CPNE4: variants seen among roughly 807,000 people sequenced by gnomAD.
CPNE4 encodes the protein copine 4.
CPNE4 carries 25 observed loss-of-function variants against 67.9 expected under a neutral mutation model. That is an observed-to-expected ratio of 0.37 (90% CI 0.27 to 0.51). CPNE4 has a LOEUF of 0.51. Among genes scored for constraint, CPNE4 ranks in the 20% least tolerant of loss-of-function variants. The pLI, the probability that CPNE4 is intolerant of heterozygous loss-of-function variation, is 0.93. For missense variants in CPNE4, 464 were observed against 690.8 expected (o/e 0.67, Z 3.68); for synonymous variants, 242 against 244.9 (o/e 0.99, Z 0.11).
At chr3:132,006,248 T>C (rs1434802366) in intron 1 of CPNE4, among the ~76,000 whole-genome samples, 2 of 152,086 alleles carry the variant, frequency 1.3e-5, no homozygotes, top group African/African-American at 4.8e-5. Context: ...AATCCAGAGA[T>C]GAAGAACCTG....
chr3:131,612,245 G>C (rs527968233), intron 7 of CPNE4, among the ~76,000 whole-genome samples: 2 of 152,148 alleles, frequency 1.3e-5, no homozygotes, highest in African/African-American at 4.8e-5. Context: ...GTGGTGGCGG[G>C]CACCTGTAAT....
intron 1 of CPNE4, among the ~76,000 whole-genome samples, chr3:131,916,250 T>G (rs183988138): frequency 1.3e-4 from 20 of 152,234 alleles, no homozygotes; most frequent in Admixed American, 2.6e-4. Flanking sequence ...TTCAGTTATT[T>G]TACCTTCTTA....
At chr3:131,924,254 C>T (rs1246826582) in intron 1 of CPNE4, among the ~76,000 whole-genome samples, 3 of 152,126 alleles carry the variant, frequency 2.0e-5, no homozygotes, top group Non-Finnish European at 4.4e-5. Context: ...ATCTTCATCC[C>T]CCATCCCAAC....
At chr3:131,879,298 C>G (rs2087577052) in intron 2 of CPNE4, among the ~76,000 whole-genome samples, 1 of 152,208 alleles carries the variant, frequency 6.6e-6, no homozygotes, top group Non-Finnish European at 1.5e-5. Context: ...AGGCTGAAAT[C>G]ATGCAACTAA....
chr3:131,753,403 G>T (rs1183906075), intron 2 of CPNE4, among the ~76,000 whole-genome samples: 2 of 152,060 alleles, frequency 1.3e-5, no homozygotes, highest in African/African-American at 4.8e-5. Context: ...AAACATAGAA[G>T]TTTTTAAAAG....
chr3:132,020,027 A>G (rs1461780524), intron 1 of CPNE4, among the ~76,000 whole-genome samples: 1 of 152,212 alleles, frequency 6.6e-6, no homozygotes, highest in African/African-American at 2.4e-5. Context: ...ACTTAAAGGT[A>G]CAAGAGTCAG....
At chr3:131,662,206 G>A (rs1349679448) in intron 7 of CPNE4, among the ~76,000 whole-genome samples, 1 of 152,132 alleles carries the variant, frequency 6.6e-6, no homozygotes, top group Non-Finnish European at 1.5e-5. Flanking sequence ...GGGAAGTTCC[G>A]AGGCAAACTC....
At chr3:131,752,196 C>G in intron 2 of CPNE4, among the ~76,000 whole-genome samples, 1 of 152,126 alleles carries the variant, frequency 6.6e-6, no homozygotes, top group Non-Finnish European at 1.5e-5. Flanking sequence ...TTTTCTGACA[C>G]CATCCTGGCT....
In CPNE4 at chr3:131,717,927, TTTC is replaced by T. The variant is rs751933700; in HGVS notation, c.360+5516_360+5518del. 3.6e-3 allele frequency among the ~76,000 whole-genome samples: 513 copies of T among 143,342 alleles called. 2 individuals are homozygous for T. Among genetic ancestry groups the T allele is most frequent in the Non-Finnish European group, 4.4e-3 (289 of 64,986 alleles). The allele number at this position is 143,342 out of a possible 152,430, so 94.0% of individuals were successfully genotyped here. A position where few individuals can be genotyped will look rare whatever the true frequency, so the allele number is the denominator to read the frequency against. ...CTTTCTTTCTTTCTTTCTTTCTTTC[TTTC>T]TTTCTTTCTTTCTTTTCTTTCTTTC... On this transcript the variant is annotated intron_variant, in intron 3 of 15. Transcript: ENST00000429747.
At chr3:131,722,275 A>G (rs1420001863) in intron 3 of CPNE4, among the ~76,000 whole-genome samples, 1 of 152,212 alleles carries the variant, frequency 6.6e-6, no homozygotes, top group Admixed American at 6.5e-5. Flanking sequence ...GTCTTAAGAC[A>G]TATAATTTGG....
At chr3:132,020,877 C>A (rs774357035) in intron 1 of CPNE4, among the ~76,000 whole-genome samples, 6 of 152,212 alleles carry the variant, frequency 3.9e-5, no homozygotes, top group Admixed American at 6.5e-5. Context: ...TGAACACAAA[C>A]AATAAACAGT....
At chr3:131,972,699 G>A (rs1442282324) in intron 1 of CPNE4, among the ~76,000 whole-genome samples, 6 of 152,082 alleles carry the variant, frequency 3.9e-5, no homozygotes, top group African/African-American at 9.7e-5. Context: ...TATTTTTAAG[G>A]TAGCTCTGAA....
intron 7 of CPNE4, among the ~76,000 whole-genome samples, chr3:131,669,291 A>G (rs924933811): frequency 4.6e-5 from 7 of 152,260 alleles, no homozygotes; most frequent in African/African-American, 1.7e-4. Flanking sequence ...ACTCAGAATC[A>G]TAAGCTAAAT....
intron 2 of CPNE4, among the ~76,000 whole-genome samples, chr3:131,894,557 TTAAA>T (rs1245481312): frequency 2.6e-5 from 4 of 151,686 alleles, no homozygotes; most frequent in African/African-American, 4.8e-5. Context: ...GAACAAAGAC[TTAAA>T]TAGACATTTC....
At chr3:131,735,743 C>T (rs2082219663) in intron 2 of CPNE4, among the ~76,000 whole-genome samples, 1 of 152,182 alleles carries the variant, frequency 6.6e-6, no homozygotes, top group Non-Finnish European at 1.5e-5. Flanking sequence ...TGACTTCATA[C>T]TCCATGCTTG....
At chr3:131,661,153 C>G (rs1399249266) in intron 7 of CPNE4, among the ~76,000 whole-genome samples, 1 of 152,162 alleles carries the variant, frequency 6.6e-6, no homozygotes, top group African/African-American at 2.4e-5. Flanking sequence ...AGAACAATTA[C>G]AGAGTTCAAT....
At chr3:131,963,433 A>G (rs2107926745) in intron 1 of CPNE4, among the ~76,000 whole-genome samples, 1 of 152,152 alleles carries the variant, frequency 6.6e-6, no homozygotes, top group Admixed American at 6.5e-5. Flanking sequence ...CAGGGAGCCA[A>G]GTGGTCTCAC....
In CPNE4 at chr3:131,534,948, T is replaced by C. The variant is rs1339680932; in HGVS notation, c.*247A>G. 2 of 316,154 alleles carry C rather than the reference T, an allele frequency of 6.3e-6. No individual in the cohort carries two copies. The highest frequency in any genetic ancestry group is 5.2e-5 in the East Asian group (1 of 19,382). The allele number at this position is 316,154 out of a possible 1,614,324, so 19.6% of individuals were successfully genotyped here. A position where few individuals can be genotyped will look rare whatever the true frequency, so the allele number is the denominator to read the frequency against. ...TTTATTTCAAGGCGACATGCTGTAATGTAAATAGTAAGTTATTGTTATCTG... is the reference window on the plus strand; with the variant it reads ...TTTATTTCAAGGCGACATGCTGTAACGTAAATAGTAAGTTATTGTTATCTG... On this transcript the variant is annotated 3_prime_UTR_variant, in exon 16 of 16. Transcript: ENST00000429747.
chr3:131,805,308 A>T (rs1480523824), intron 2 of CPNE4, among the ~76,000 whole-genome samples: 2 of 152,162 alleles, frequency 1.3e-5, no homozygotes, highest in African/African-American at 4.8e-5. Context: ...CGTGCTTCCC[A>T]TGTTTGTGGC....
Sources: allele counts gnomAD v4.1 joint callset (sites outside exome capture counted in the v4.1 genomes callset), GRCh38; gene constraint gnomAD v4.1.1; transcripts MANE v1.5; gene names NCBI Gene and HGNC (gene_info 2026-07-23, HGNC 2026-07-21).